Variants in ARRDC5 observed in about 807,000 individuals in gnomAD.
ARRDC5 encodes the protein arrestin domain-containing protein 5.
In ARRDC5, 12 loss-of-function variants were observed where a neutral mutation model predicts 13.3. The observed-to-expected ratio is 0.90, with a 90% CI of 0.58 to 1.46. The LOEUF (loss-of-function observed/expected upper bound fraction) is 1.46, where lower values mean the gene tolerates loss of function less well. Ranked by LOEUF, ARRDC5 falls within the 40% of genes most tolerant of loss-of-function variation. The pLI is 0.00. For synonymous variants in ARRDC5, 181 were observed against 173.4 expected (o/e 1.04, Z -0.34); for missense variants, 406 against 418.7 (o/e 0.97, Z 0.26).
At chr19:4,913,891 A>C in the ARRDC5 span, among the ~76,000 whole-genome samples, 4 of 139,248 alleles carry the variant, frequency 2.9e-5, no homozygotes, top group Non-Finnish European at 6.0e-5. Flanking sequence ...GGCTTACCTC[A>C]ACCTCCACCT....
At chr19:4,909,373 G>A in the ARRDC5 span, 1 of 615,732 alleles carries the variant, frequency 1.6e-6, no homozygotes, top group Non-Finnish European at 2.9e-6. Flanking sequence ...CAGAGGCGGG[G>A]GCGCCCCCCA....
the ARRDC5 span, among the ~76,000 whole-genome samples, chr19:4,914,133 A>G: frequency 1.3e-5 from 2 of 152,040 alleles, no homozygotes; most frequent in South Asian, 4.1e-4. Context: ...GCCCCCATGC[A>G]GTAGCTTTTA....
At chr19:4,898,001 A>T (rs1349524444) in intron 1 of ARRDC5, among the ~76,000 whole-genome samples, 1 of 152,138 alleles carries the variant, frequency 6.6e-6, no homozygotes, top group Non-Finnish European at 1.5e-5. Flanking sequence ...GTGGGAGGAT[A>T]GCTTGAACGT....
At chr19:4,897,236 C>T (rs376696880) in intron 1 of ARRDC5, among the ~76,000 whole-genome samples, 2 of 152,160 alleles carry the variant, frequency 1.3e-5, no homozygotes, top group African/African-American at 4.8e-5. Flanking sequence ...GGGTTACAGG[C>T]GTGAGCCACT....
At chr19:4,902,941 G>T (rs1024251103), upstream of ARRDC5, 6 of 1,527,600 alleles carry the variant, frequency 3.9e-6, no homozygotes, top group Non-Finnish European at 5.3e-6. Flanking sequence ...AGAGTTCCGG[G>T]AAGTGGGGAC....
chr19:4,905,643 G>A (rs2032051538), upstream of ARRDC5, among the ~76,000 whole-genome samples: 1 of 151,804 alleles, frequency 6.6e-6, no homozygotes, highest in Non-Finnish European at 1.5e-5. Flanking sequence ...TCTGCCTCCC[G>A]AGTAGCTGGG....
rs564876634 is a variant in ARRDC5 at position 4,899,033 on chromosome 19, G to A, written c.254-2157C>T. 7.9e-5 allele frequency among the ~76,000 whole-genome samples: 12 copies of A among 152,244 alleles called. No individual in the cohort carries two copies. In the South Asian group the frequency reaches 1.9e-3, roughly 24 times the overall value. ...TTAAATAAATGAAAAACCTGGAACA[G>A]GCATGGTGGCTCACACTTGTCATCC... is the stretch of plus-strand genomic sequence containing the variant. On this transcript the variant is annotated intron_variant, in intron 1 of 2. Transcript: ENST00000650722.
At chr19:4,909,766 C>G in the ARRDC5 span, 10 of 476,974 alleles carry the variant, frequency 2.1e-5, no homozygotes, top group African/African-American at 4.1e-5. Context: ...GTCCCGCACT[C>G]TGTCCCGGGA....
At chr19:4,896,036 C>T (rs1055813958) in intron 2 of ARRDC5, among the ~76,000 whole-genome samples, 5 of 152,252 alleles carry the variant, frequency 3.3e-5, no homozygotes, top group African/African-American at 9.6e-5. Context: ...AAATGTTGGC[C>T]TGGCATGGTG....
Position 4,902,485 on chromosome 19 carries a change from G to C in ARRDC5, c.253+88C>G. 3 of 1,298,808 alleles carry C rather than the reference G, an allele frequency of 2.3e-6. No individual in the cohort carries two copies. The South Asian group carries it at 3.9e-5, about 17-fold the overall frequency. 80.5% of individuals were successfully genotyped at this position (1,298,808 alleles called of 1,614,324 possible). A position where few individuals can be genotyped will look rare whatever the true frequency, so the allele number is the denominator to read the frequency against. On this transcript the variant is annotated intron_variant, in intron 1 of 2. Transcript: ENST00000650722. ...CCACTCCCTATTTCTGATAGCCCTA[G>C]AGTTTTGTTGATTGACTCTCGGATG...
chr19:4,898,416 C>T (rs8109136), intron 1 of ARRDC5, among the ~76,000 whole-genome samples: 1,903 of 152,092 alleles, frequency 0.013, 26 homozygotes, highest in African/African-American at 0.039. Flanking sequence ...GGCTGGAGTG[C>T]AGTGGCGTGA....
chr19:4,908,444 A>G, the ARRDC5 span, among the ~76,000 whole-genome samples: 1 of 152,046 alleles, frequency 6.6e-6, no homozygotes, highest in Admixed American at 6.6e-5. Context: ...GGTATTATAT[A>G]TCACCCCTCT....
At chr19:4,892,764 G>A (rs188588442) in intron 2 of ARRDC5, among the ~76,000 whole-genome samples, 1 of 151,990 alleles carries the variant, frequency 6.6e-6, no homozygotes, top group Admixed American at 6.6e-5. Flanking sequence ...ATAAAAAAGT[G>A]GTTGCAACCT....
At chr19:4,901,974 C>G (rs2031933109) in intron 1 of ARRDC5, among the ~76,000 whole-genome samples, 1 of 152,138 alleles carries the variant, frequency 6.6e-6, no homozygotes, top group Non-Finnish European at 1.5e-5. Context: ...GGAACCTCCC[C>G]TTCACGAGTT....
rs867031268 is a variant in ARRDC5, at chr19:4,890,820, C to G, written c.*226G>C. The G allele has an allele frequency of 5.9e-6, 3 of 512,780 alleles. No individual in the cohort carries two copies. The Admixed American group carries it at 1.1e-4, about 19-fold the overall frequency. 31.8% of individuals were successfully genotyped at this position (512,780 alleles called of 1,614,324 possible). On this transcript the variant is annotated 3_prime_UTR_variant, in exon 3 of 3. Transcript: ENST00000650722. ...CTCAGGGTGGAAAAGGCAGGTTATG[C>G]CGGGTTTGGGTCCTGGGAGACCTTC...
In ARRDC5 at chr19:4,902,655, C is replaced by T; in HGVS notation, c.171G>A (p.Gly57=). The T allele has an allele frequency of 6.2e-7, 1 of 1,613,984 alleles. No individual in the cohort carries two copies. ...CATTTCTGCTATAATCACAGGATGCCCCGGCTTCTTCACTCCATTCGACGT... is the reference window on the plus strand; with the variant it reads ...CATTTCTGCTATAATCACAGGATGCTCCGGCTTCTTCACTCCATTCGACGT... The part of the protein sequence containing the change: ...RGYVEWSEEA[G]ASCDYSRNVI... Residue 57 remains glycine (G), a synonymous_variant, in exon 1 of 3, where the codon GGG becomes GGA. Coordinates refer to ENST00000650722, the MANE Select transcript of ARRDC5 (RefSeq NM_001080523.3).
At chr19:4,915,344 T>G in the ARRDC5 span, among the ~76,000 whole-genome samples, 1 of 152,160 alleles carries the variant, frequency 6.6e-6, no homozygotes, top group Non-Finnish European at 1.5e-5. Flanking sequence ...TCACCACTGC[T>G]GTTGTGGCCC....
chr19:4,894,805 T>C (rs1361786024), intron 2 of ARRDC5, among the ~76,000 whole-genome samples: 1 of 152,038 alleles, frequency 6.6e-6, no homozygotes, highest in East Asian at 1.9e-4. Flanking sequence ...GTATGTTTCC[T>C]TTTTGAGAAC....
the ARRDC5 span, chr19:4,910,526 A>T: frequency 4.9e-6 from 1 of 205,954 alleles, no homozygotes; most frequent in Non-Finnish European, 9.7e-6. Context: ...GAATGAATCA[A>T]TGAATGAATG....
Sources: gnomAD v4.1 joint callset for allele counts (sites outside exome capture counted in the v4.1 genomes callset) on GRCh38, gnomAD v4.1.1 for gene constraint, MANE v1.5 for transcripts, NCBI Gene and HGNC (gene_info 2026-07-23, HGNC 2026-07-21) for gene names.